NRXN2: variants seen among roughly 807,000 people sequenced by gnomAD.
NRXN2 encodes neurexin 2.
A neutral mutation model predicts 128.8 loss-of-function variants in NRXN2; 29 were observed. The ratio of observed to expected loss-of-function variants is 0.23; its 90% CI spans 0.17 to 0.31. The LOEUF is 0.31. NRXN2 is among the 10% of genes least tolerant of loss of function. NRXN2 has a pLI of 1.00. For missense variants in NRXN2, 1,881 were observed against 2,452.6 expected (o/e 0.77, Z 4.92); for synonymous variants, 1,098 against 1,075.2 (o/e 1.02, Z -0.41).
Position 64,681,794 on chromosome 11 carries a change from A to AG in NRXN2, c.1152+3851dup, listed in dbSNP as rs1239911509. Among the ~76,000 whole-genome samples, 3 of 120,222 alleles carry AG rather than the reference A, an allele frequency of 2.5e-5. No homozygotes were observed. The East Asian group carries it at 7.4e-4, about 30-fold the overall frequency. 78.9% of individuals were successfully genotyped at this position (120,222 alleles called of 152,430 possible). A position where few individuals can be genotyped will look rare whatever the true frequency, so the allele number is the denominator to read the frequency against. ...ATCTGTAGGAGAACTGTGAAAACAA[A>AG]GGGAAAAACTAAGAAAATTGGATGA... On this transcript the variant is annotated intron_variant, in intron 6 of 22. Transcript: ENST00000265459.
intron 9 of NRXN2, among the ~76,000 whole-genome samples, chr11:64,665,838 T>C (rs1250203714): frequency 1.3e-5 from 2 of 152,108 alleles, no homozygotes; most frequent in Admixed American, 6.5e-5. Flanking sequence ...AATTCTCTCA[T>C]GTTCAACAAG....
rs2048910202 is a variant in NRXN2, at chr11:64,660,713, G to A, written c.2185+40C>T. 1.2e-6 allele frequency: 2 copies of A among 1,605,398 alleles called. No individual in the cohort carries two copies. The highest frequency in any genetic ancestry group is 1.7e-6 in the Non-Finnish European group (2 of 1,179,890). On this transcript the variant is annotated intron_variant, in intron 10 of 22. Coordinates refer to ENST00000265459, the MANE Select transcript of NRXN2 (RefSeq NM_015080.4). This position sits in a 1 kb window ranked among gnomAD's most constrained non-coding sequence, Gnocchi z 5.2. ...TCACCCTGAGAAGGAGGAGCACAGG[G>A]ATAGGGAGCAGGGACACCTAGGATG...
chr11:64,706,201 TAGG>T (rs2135646822), intron 2 of NRXN2, among the ~76,000 whole-genome samples: 1 of 70,412 alleles, frequency 1.4e-5, no homozygotes, highest in Non-Finnish European at 2.7e-5. Context: ...CTTTAAGTTT[TAGG>T]GTACATGTGC....
intron 2 of NRXN2, among the ~76,000 whole-genome samples, chr11:64,702,330 A>G (rs1286971586): frequency 6.6e-6 from 1 of 152,186 alleles, no homozygotes; most frequent in Non-Finnish European, 1.5e-5. Flanking sequence ...ACGGGCCATG[A>G]TGACAATGGC....
chr11:64,616,100 T>C (rs2041472615), intron 22 of NRXN2, among the ~76,000 whole-genome samples: 1 of 151,910 alleles, frequency 6.6e-6, no homozygotes, highest in Non-Finnish European at 1.5e-5. Context: ...GCTGAACAAA[T>C]TGTGTGTGTA....
chr11:64,622,644 AACAG>A lies in NRXN2; in HGVS notation c.4173+105_4173+108del, dbSNP rs1591551223. On this transcript the variant is annotated intron_variant, in intron 21 of 22. Coordinates refer to ENST00000265459, the MANE Select transcript of NRXN2 (RefSeq NM_015080.4). This position sits in a 1 kb window ranked among gnomAD's most constrained non-coding sequence, Gnocchi z 4.3. ...CAGCGACAGCAGCCTTCAGGATCCC[AACAG>A]ACCCCTTGGACCCTCACTCTAGGCA... The A allele has an allele frequency of 5.4e-6, 8 of 1,471,630 alleles. No individual in the cohort carries two copies. The highest frequency in any genetic ancestry group is 6.4e-6 in the Non-Finnish European group (7 of 1,091,312). The allele number at this position is 1,471,630 out of a possible 1,614,324, so 91.2% of individuals were successfully genotyped here. A position where few individuals can be genotyped will look rare whatever the true frequency, so the allele number is the denominator to read the frequency against.
At position 64,607,324 on chromosome 11, in the gene NRXN2, C is replaced by T. The variant is rs2039780561; in HGVS notation, c.5011G>A (p.Asp1671Asn). The change falls in exon 23 of 23, where the codon GAC becomes AAC. Residue 1671 changes from aspartate (D) to asparagine (N), a missense_variant. Transcript: ENST00000265459. Reference sequence around the variant, plus strand: ...TTACTGATGTAGTTTCGGCTCTGGTCCACCTGGTAGGAGCCCTCATCACGA... The same window carrying T: ...TTACTGATGTAGTTTCGGCTCTGGTTCACCTGGTAGGAGCCCTCATCACGA... ...RNRDEGSYQV[D>N]QSRNYISNSA... is the part of the protein sequence containing the mutation. The T allele has an allele frequency of 1.2e-6, 2 of 1,613,898 alleles. No individual in the cohort carries two copies. The highest frequency in any genetic ancestry group is 2.7e-5 in the African/African-American group (2 of 74,888).
intron 7 of NRXN2, among the ~76,000 whole-genome samples, chr11:64,671,871 C>A (rs1379337661): frequency 6.6e-6 from 1 of 152,082 alleles, no homozygotes; most frequent in Non-Finnish European, 1.5e-5. Context: ...TTCCACCACC[C>A]ATTCGCCACC....
chr11:64,718,442 C>G (rs1200377800), intron 1 of NRXN2, among the ~76,000 whole-genome samples: 1 of 152,224 alleles, frequency 6.6e-6, no homozygotes, highest in Non-Finnish European at 1.5e-5. Context: ...GCTGGGTTTA[C>G]ACACATTCTG....
chr11:64,664,561 C>G (rs1259718157), intron 9 of NRXN2, among the ~76,000 whole-genome samples: 1 of 151,124 alleles, frequency 6.6e-6, no homozygotes, highest in Non-Finnish European at 1.5e-5. Context: ...ATGTGATCTG[C>G]AGGAAAGGGT....
At position 64,642,437 on chromosome 11, in the gene NRXN2, G is replaced by A. The variant is rs1003580441; in HGVS notation, c.3403+5782C>T. The A allele has an allele frequency of 7.6e-6, 11 of 1,443,018 alleles. No homozygotes were observed. The African/African-American group carries it at 1.0e-4, about 13-fold the overall frequency. 89.4% of individuals were successfully genotyped at this position (1,443,018 alleles called of 1,614,324 possible). ...GCAAAGCAGAGGGGCCAGGCTCGGC[G>A]TGCACAGCTGGGGTGGGGCCCGCGG... On this transcript the variant is annotated intron_variant, in intron 17 of 22. Coordinates refer to ENST00000265459, the MANE Select transcript of NRXN2 (RefSeq NM_015080.4).
At chr11:64,701,875 G>A (rs369369414) in intron 2 of NRXN2, among the ~76,000 whole-genome samples, 103 of 144,808 alleles carry the variant, frequency 7.1e-4, no homozygotes, top group African/African-American at 2.7e-3. Flanking sequence ...CCCTCTGCCC[G>A]GCCAGCCGCT....
At chr11:64,626,782 T>C (rs1481198977) in intron 19 of NRXN2, among the ~76,000 whole-genome samples, 2 of 151,210 alleles carry the variant, frequency 1.3e-5, no homozygotes, top group African/African-American at 2.4e-5. Flanking sequence ...GCAAAAGAGA[T>C]GAGAAAAGAA....
intron 1 of NRXN2, among the ~76,000 whole-genome samples, chr11:64,720,156 C>T (rs1241321452): frequency 2.0e-5 from 3 of 152,250 alleles, no homozygotes; most frequent in Non-Finnish European, 4.4e-5. Context: ...CCTTCACCCT[C>T]ACCCCACCAT....
chr11:64,695,729 C>T (rs1052171853), intron 3 of NRXN2, among the ~76,000 whole-genome samples: 4 of 151,844 alleles, frequency 2.6e-5, no homozygotes, highest in Non-Finnish European at 4.4e-5. Flanking sequence ...TACACACACG[C>T]GCACACACAC....
At chr11:64,680,090 A>G (rs1011625406) in intron 6 of NRXN2, among the ~76,000 whole-genome samples, 1 of 152,242 alleles carries the variant, frequency 6.6e-6, no homozygotes, top group Non-Finnish European at 1.5e-5. Flanking sequence ...GAGAAGTCAC[A>G]CATCATATCA....
At chr11:64,646,935 G>C (rs1309277745) in intron 17 of NRXN2, among the ~76,000 whole-genome samples, 1 of 152,114 alleles carries the variant, frequency 6.6e-6, no homozygotes, top group Non-Finnish European at 1.5e-5. Flanking sequence ...GGCTGGACAT[G>C]CCTAAGAACA....
In NRXN2 at chr11:64,609,350, C is replaced by T. The variant is rs192857989; in HGVS notation, c.4253-1268G>A. Among the ~76,000 whole-genome samples, 955 of 151,924 alleles carry T rather than the reference C, an allele frequency of 6.3e-3. 27 individuals are homozygous for T. The highest frequency in any genetic ancestry group is 4.6e-3 in the Non-Finnish European group (311 of 67,970). ...TATAGTTAAAACAATAACAAAACAACGGAAAGAAGAAGAAAGCAAAAAAAG... is the reference window on the plus strand; with the variant it reads ...TATAGTTAAAACAATAACAAAACAATGGAAAGAAGAAGAAAGCAAAAAAAG... On this transcript the variant is annotated intron_variant, in intron 22 of 22. Coordinates refer to ENST00000265459, the MANE Select transcript of NRXN2 (RefSeq NM_015080.4).
rs1443497222 is a variant in NRXN2, at chr11:64,685,124, T to TG, written c.1152+521dup. 9.2e-5 allele frequency among the ~76,000 whole-genome samples: 14 copies of TG among 152,274 alleles called. No individual in the cohort carries two copies. The East Asian group carries it at 2.7e-3, about 29-fold the overall frequency. On this transcript the variant is annotated intron_variant, in intron 6 of 22. Transcript: ENST00000265459. ...GCCTCTGCCCTAAAAAAGCCTCGGCTGGGGGCAGAACACATCCTGCCCGCA... is the reference window on the plus strand; with the variant it reads ...GCCTCTGCCCTAAAAAAGCCTCGGCTGGGGGGCAGAACACATCCTGCCCGCA...
Sources: allele counts gnomAD v4.1 joint callset (sites outside exome capture counted in the v4.1 genomes callset), GRCh38; gene constraint gnomAD v4.1.1; non-coding constraint Gnocchi (gnomAD v3.1); transcripts MANE v1.5; gene names NCBI Gene and HGNC (gene_info 2026-07-23, HGNC 2026-07-21).